Variants in COL4A4 observed in about 807,000 individuals in gnomAD.
COL4A4 encodes collagen alpha-4(IV) chain.
In COL4A4, 105 loss-of-function variants were observed where a neutral mutation model predicts 192.9. That is an observed-to-expected ratio of 0.54 (90% CI 0.46 to 0.64). The LOEUF is 0.64. Among genes scored for constraint, COL4A4 ranks in the 30% least tolerant of loss-of-function variants. The pLI is 0.00. For synonymous variants in COL4A4, 762 were observed against 769.9 expected (o/e 0.99, Z 0.17); for missense variants, 1,967 against 2,169.3 (o/e 0.91, Z 1.85).
At chr2:227,037,846 G>A (rs1263692191) in intron 37 of COL4A4, among the ~76,000 whole-genome samples, 1 of 152,184 alleles carries the variant, frequency 6.6e-6, no homozygotes, top group Non-Finnish European at 1.5e-5. Flanking sequence ...CACTGATGAT[G>A]AGCTTTTATT....
chr2:227,090,794 A>T (rs1208514967), intron 20 of COL4A4, among the ~76,000 whole-genome samples: 2 of 150,956 alleles, frequency 1.3e-5, no homozygotes, highest in Non-Finnish European at 3.0e-5. Context: ...ATAAATAAAT[A>T]AAAATAAGTA....
In COL4A4 at chr2:227,059,511, C is replaced by A. The variant is rs376082013; in HGVS notation, c.2277G>T (p.Pro759=). 19 of 1,614,122 alleles carry A rather than the reference C, an allele frequency of 1.2e-5. No individual in the cohort carries two copies. Among genetic ancestry groups the A allele is most frequent in the Non-Finnish European group, 1.4e-5 (16 of 1,179,976 alleles). ...SPGVNGQKGI[P]GDPAFGHLGP... is the part of the protein sequence containing the mutation. ...CCAGGTGACCAAATGCAGGGTCTCC[C>A]GGGATTCCTTTCTGACCATTCACTC... Residue 759 remains proline, a synonymous_variant, in exon 28 of 48, where the codon CCG becomes CCT. Transcript: ENST00000396625.
At chr2:227,053,049 G>T (rs956989549) in intron 31 of COL4A4, among the ~76,000 whole-genome samples, 4 of 150,636 alleles carry the variant, frequency 2.7e-5, no homozygotes, top group African/African-American at 9.8e-5. Flanking sequence ...GAGTATTTAT[G>T]CCATGACACT....
chr2:227,126,391 AATG>A (rs2062091020), intron 4 of COL4A4, among the ~76,000 whole-genome samples: 1 of 152,220 alleles, frequency 6.6e-6, no homozygotes, highest in South Asian at 2.1e-4. Flanking sequence ...GCAAAATGGC[AATG>A]ATTCCACAGC....
chr2:227,139,395 A>C (rs1341906055), intron 4 of COL4A4, among the ~76,000 whole-genome samples: 4 of 152,244 alleles, frequency 2.6e-5, no homozygotes, highest in African/African-American at 4.8e-5. Flanking sequence ...TTGTAATTAG[A>C]GAATTGTTTG....
chr2:227,060,829 G>A (rs1359734041), intron 26 of COL4A4, among the ~76,000 whole-genome samples: 1 of 149,962 alleles, frequency 6.7e-6, no homozygotes, highest in Non-Finnish European at 1.5e-5. Context: ...CTGGGTTCAC[G>A]CCATTCTCCT....
chr2:227,068,063 A>G (rs2058462731), intron 25 of COL4A4, among the ~76,000 whole-genome samples: 1 of 146,406 alleles, frequency 6.8e-6, no homozygotes, highest in Non-Finnish European at 1.5e-5. Context: ...AGAAATACAA[A>G]CTACCATCAG....
At chr2:227,140,686 C>G (rs866811838) in intron 3 of COL4A4, among the ~76,000 whole-genome samples, 19 of 152,128 alleles carry the variant, frequency 1.2e-4, no homozygotes, top group African/African-American at 4.3e-4. Context: ...CCTCCCTCAT[C>G]AAACTGTCCT....
rs1016728431 is a variant in COL4A4 at position 227,051,130 on chromosome 2, C to G, written c.2997G>C (p.Gly999=). 1 of 1,614,022 alleles carries G rather than the reference C, an allele frequency of 6.2e-7. No individual in the cohort carries two copies. The highest frequency in any genetic ancestry group is 1.3e-5 in the African/African-American group (1 of 74,920). ...CGTATCTTCCCGGCTCTCCTCTTCTCCCTTGCATCCCGGGAGTTCCTTTAT... is the reference window on the plus strand; with the variant it reads ...CGTATCTTCCCGGCTCTCCTCTTCTGCCTTGCATCCCGGGAGTTCCTTTAT... The part of the protein sequence containing the change: ...RGDKGTPGMQ[G]RRGEPGRYGP... Residue 999 remains glycine, a synonymous_variant, in exon 33 of 48, where the codon GGG becomes GGC. Coordinates refer to ENST00000396625, the MANE Select transcript of COL4A4 (RefSeq NM_000092.5).
rs1260987762 is a variant in COL4A4, at chr2:227,094,239, G to T, written c.1255C>A (p.Pro419Thr). ...PQGFPGLPGL[P>T]GEAGIPGRPD... Reference sequence around the variant, plus strand: ...CTCCCAGGAATACCAGCTTCTCCTGGAAGCCCAGGAAGACCAGGAAATCCT... The same window carrying T: ...CTCCCAGGAATACCAGCTTCTCCTGTAAGCCCAGGAAGACCAGGAAATCCT... Residue 419 changes from proline (P) to threonine (T), a missense_variant, in exon 20 of 48, where the codon CCA becomes ACA. By Grantham distance (38) the Pro-to-Thr change is conservative (BLOSUM62 -1). Transcript: ENST00000396625. The T allele has an allele frequency of 6.2e-7, 1 of 1,613,864 alleles. No individual in the cohort carries two copies.
intron 20 of COL4A4, among the ~76,000 whole-genome samples, chr2:227,090,350 C>A (rs2150624169): frequency 6.6e-6 from 1 of 152,208 alleles, no homozygotes; most frequent in East Asian, 1.9e-4. Context: ...AAAAGCAGAG[C>A]TTATAGAAAT....
Position 227,004,339 on chromosome 2 carries a change from A to G in COL4A4, c.*2986T>C, listed in dbSNP as rs2149693539. On this transcript the variant is annotated 3_prime_UTR_variant, in exon 48 of 48. Coordinates refer to ENST00000396625, the MANE Select transcript of COL4A4 (RefSeq NM_000092.5). The stretch of plus-strand genomic sequence containing the variant: ...AGGACATCACTGGTGAAGCAGGAGC[A>G]AAGTCGAAGAGGTGCTGGGAGTGTC... The G allele has an allele frequency of 6.6e-6, 1 of 152,512 alleles. No homozygotes were observed. The highest frequency in any genetic ancestry group is 1.9e-4 in the East Asian group (1 of 5,180). The allele number at this position is 152,512 out of a possible 1,614,324, so 9.4% of individuals were successfully genotyped here.
At chr2:227,104,451 A>G (rs981575334) in intron 12 of COL4A4, among the ~76,000 whole-genome samples, 74 of 145,996 alleles carry the variant, frequency 5.1e-4, no homozygotes, top group South Asian at 1.5e-3. Flanking sequence ...GCGTGGTGGC[A>G]GGCGCCTGTA....
intron 31 of COL4A4, among the ~76,000 whole-genome samples, chr2:227,052,977 CA>C (rs1373727337): frequency 6.6e-6 from 1 of 152,100 alleles, no homozygotes; most frequent in Non-Finnish European, 1.5e-5. Flanking sequence ...CCAGTTACCA[CA>C]ATTCAAGAAC....
chr2:227,009,130 T>C (rs892946028), intron 46 of COL4A4, among the ~76,000 whole-genome samples: 3 of 152,190 alleles, frequency 2.0e-5, no homozygotes, highest in Admixed American at 2.0e-4. Flanking sequence ...TAGCCCCTTG[T>C]GATGGGAAAG....
At chr2:227,018,896 G>A (rs1286512573) in intron 44 of COL4A4, among the ~76,000 whole-genome samples, 1 of 152,232 alleles carries the variant, frequency 6.6e-6, no homozygotes, top group Non-Finnish European at 1.5e-5. Flanking sequence ...TCTTTCAGAA[G>A]CTCATAGTCT....
At chr2:227,115,415 C>G (rs1024893974) in intron 7 of COL4A4, among the ~76,000 whole-genome samples, 3 of 151,784 alleles carry the variant, frequency 2.0e-5, no homozygotes, top group Non-Finnish European at 4.4e-5. Context: ...GGACTACAGG[C>G]ACCCACCACC....
In COL4A4 at chr2:227,007,276, G is replaced by T; in HGVS notation, c.*49C>A. ...TCTTAGCACAGTCTAGGAAGTCTTA[G>T]CCCCCTAGGAAGTTTCTCTTGGCCA... On this transcript the variant is annotated 3_prime_UTR_variant, in exon 48 of 48. Transcript: ENST00000396625. 1.2e-6 allele frequency: 2 copies of T among 1,610,750 alleles called. No individual in the cohort carries two copies. The highest frequency in any genetic ancestry group is 1.7e-6 in the Non-Finnish European group (2 of 1,177,182).
intron 37 of COL4A4, among the ~76,000 whole-genome samples, chr2:227,041,898 G>A (rs565034069): frequency 2.0e-4 from 30 of 149,382 alleles, no homozygotes; most frequent in African/African-American, 7.3e-4. Context: ...AAGAAAGAAA[G>A]AAAGAAAGAA....
Sources: allele counts gnomAD v4.1 joint callset (sites outside exome capture counted in the v4.1 genomes callset), GRCh38; gene constraint gnomAD v4.1.1; transcripts MANE v1.5; gene names NCBI Gene and HGNC (gene_info 2026-07-23, HGNC 2026-07-21).